Variants in MOBP observed in about 807,000 individuals in gnomAD.
The protein encoded by MOBP is myelin-associated oligodendrocyte basic protein.
A neutral mutation model predicts 15.0 loss-of-function variants in MOBP; 5 were observed. The observed-to-expected ratio is 0.33, with a 90% CI of 0.17 to 0.70. The LOEUF (loss-of-function observed/expected upper bound fraction) is 0.70, where lower values mean the gene tolerates loss of function less well. Ranked by LOEUF, MOBP falls within the 30% of genes least tolerant of loss-of-function variation. The pLI is 0.67. For synonymous variants in MOBP, 88 were observed against 99.0 expected (o/e 0.89, Z 0.66); for missense variants, 188 against 257.8 (o/e 0.73, Z 1.85).
downstream of MOBP, among the ~76,000 whole-genome samples, chr3:39,516,944 G>T (rs1025387835): frequency 1.3e-5 from 2 of 152,200 alleles, no homozygotes; most frequent in African/African-American, 4.8e-5. Context: ...CATCTAGGCT[G>T]CTGTGCTTAC....
intron 1 of MOBP, among the ~76,000 whole-genome samples, chr3:39,469,419 T>G (rs2042436283): frequency 6.6e-6 from 1 of 151,240 alleles, no homozygotes; most frequent in African/African-American, 2.4e-5. Flanking sequence ...TAATTAAAAT[T>G]TATTTTAATT....
At chr3:39,472,223 TATCC>T (rs2042481334) in intron 1 of MOBP, among the ~76,000 whole-genome samples, 1 of 152,236 alleles carries the variant, frequency 6.6e-6, no homozygotes, top group African/African-American at 2.4e-5. Context: ...AAATATAAAA[TATCC>T]ATTTTTTTGT....
Position 39,469,206 on chromosome 3 carries a change from A to ATG in MOBP, c.-89+1474_-89+1475dup, listed in dbSNP as rs372208840. On this transcript the variant is annotated intron_variant, in intron 1 of 3. Transcript: ENST00000684792. ...TGTGTGTGTGTATATACATATATAC[A>ATG]TGTGTGTGTATATACATATATACAT... Among the ~76,000 whole-genome samples, 20 of 64,898 alleles carry ATG rather than the reference A, an allele frequency of 3.1e-4. 1 individual carries two copies. Among genetic ancestry groups the ATG allele is most frequent in the African/African-American group, 2.4e-3 (16 of 6,620 alleles). 42.6% of individuals were successfully genotyped at this position (64,898 alleles called of 152,430 possible).
chr3:39,502,851 TC>T lies in MOBP; in HGVS notation c.528del (p.Val177SerfsTer51). ...LRGPGASRGG[S>X]PVKASRFW ...AGGGCCAGGCGCCAGCCGTGGGGGG[TC>T]CCCCGTCAAAGCTTCTAGGTTCTGG... On this transcript the variant is annotated frameshift_variant, in exon 4 of 4. Coordinates refer to ENST00000684792, the MANE Select transcript of MOBP (RefSeq NM_001393704.1). LOFTEE classifies it high-confidence loss of function. The surrounding 1 kb of genome is among the most constrained non-coding windows in gnomAD (Gnocchi z 6.3). 6.8e-7 allele frequency: 1 copy of T among 1,460,966 alleles called. No individual in the cohort carries two copies. The highest frequency in any genetic ancestry group is 1.4e-5 in the African/African-American group (1 of 71,120). 90.5% of individuals were successfully genotyped at this position (1,460,966 alleles called of 1,614,324 possible).
intron 4 of MOBP, among the ~76,000 whole-genome samples, chr3:39,509,085 AGTGTTT>A (rs371575680): frequency 1.6e-4 from 8 of 50,894 alleles, no homozygotes; most frequent in African/African-American, 7.5e-4. Flanking sequence ...TGTGTGTGAG[AGTGTTT>A]GTGTGTGTGT....
intron 2 of MOBP, among the ~76,000 whole-genome samples, chr3:39,486,218 T>C (rs1215264634): frequency 6.6e-6 from 1 of 152,208 alleles, no homozygotes; most frequent in Non-Finnish European, 1.5e-5. Context: ...AGCTCTGTGA[T>C]CTTGGTTGAG....
intron 2 of MOBP, among the ~76,000 whole-genome samples, chr3:39,488,472 C>G (rs535455010): frequency 7.9e-4 from 121 of 152,264 alleles, no homozygotes; most frequent in Non-Finnish European, 1.1e-3. Flanking sequence ...AGTCTGTCTG[C>G]ATGTCCTGTT....
intron 2 of MOBP, among the ~76,000 whole-genome samples, chr3:39,493,397 T>C (rs1422483386): frequency 1.3e-5 from 2 of 152,078 alleles, no homozygotes; most frequent in Non-Finnish European, 2.9e-5. Context: ...TTTTTTTTTT[T>C]CCCTAAAGAG....
At chr3:39,500,968 C>CGTT (rs1238970724) in intron 2 of MOBP, among the ~76,000 whole-genome samples, 2 of 152,188 alleles carry the variant, frequency 1.3e-5, no homozygotes, top group Non-Finnish European at 2.9e-5. Context: ...TTGATGATCA[C>CGTT]AAACAGAGGT....
chr3:39,482,192 C>T (rs1286889193), intron 2 of MOBP, among the ~76,000 whole-genome samples: 1 of 152,134 alleles, frequency 6.6e-6, no homozygotes, highest in Non-Finnish European at 1.5e-5. Context: ...TGGATATACC[C>T]TTGACTCCTC....
intron 1 of MOBP, among the ~76,000 whole-genome samples, chr3:39,477,294 A>T (rs1470508511): frequency 6.6e-6 from 1 of 152,056 alleles, no homozygotes; most frequent in East Asian, 1.9e-4. Context: ...GAGAAATTAT[A>T]TACAGTCATG....
chr3:39,503,665 T>TTTATTTATTC (rs2043010567), downstream of MOBP, among the ~76,000 whole-genome samples: 2 of 142,182 alleles, frequency 1.4e-5, no homozygotes, highest in Admixed American at 1.4e-4. Context: ...ATTTTTTATT[T>TTTATTTATTC]ATTTATTTAT....
chr3:39,477,871 T>C (rs986510493), intron 1 of MOBP, among the ~76,000 whole-genome samples: 12 of 151,814 alleles, frequency 7.9e-5, no homozygotes, highest in Non-Finnish European at 1.5e-4. Flanking sequence ...ATTTTAAAAA[T>C]AGAAAAAAGC....
intron 2 of MOBP, among the ~76,000 whole-genome samples, chr3:39,494,726 G>GT (rs2042850125): frequency 6.8e-6 from 1 of 147,528 alleles, no homozygotes; most frequent in Non-Finnish European, 1.5e-5. Flanking sequence ...TATTAAGCAA[G>GT]TTATTTACAT....
Position 39,502,441 on chromosome 3 carries a change from G to T in MOBP, c.207-94G>T. On this transcript the variant is annotated intron_variant, in intron 3 of 3. Coordinates refer to ENST00000684792, the MANE Select transcript of MOBP (RefSeq NM_001393704.1). The surrounding 1 kb of genome is among the most constrained non-coding windows in gnomAD (Gnocchi z 6.3). ...AGACTGGAAGGTGGGTGGGGGAGCA[G>T]GGCCTTCCTACCTGTTTCCAGCTCC... The T allele has an allele frequency of 6.6e-7, 1 of 1,525,940 alleles. No individual in the cohort carries two copies. Among genetic ancestry groups the T allele is most frequent in the Non-Finnish European group, 8.8e-7 (1 of 1,141,912 alleles). The allele number at this position is 1,525,940 out of a possible 1,614,324, so 94.5% of individuals were successfully genotyped here. A position where few individuals can be genotyped will look rare whatever the true frequency, so the allele number is the denominator to read the frequency against.
chr3:39,488,513 G>A (rs895875641), intron 2 of MOBP, among the ~76,000 whole-genome samples: 2 of 152,142 alleles, frequency 1.3e-5, no homozygotes, highest in Non-Finnish European at 2.9e-5. Context: ...TGCTAATGCT[G>A]TACTCTGACC....
chr3:39,522,814 C>T (rs1413611864), intron 3 of MOBP, among the ~76,000 whole-genome samples: 2 of 152,174 alleles, frequency 1.3e-5, no homozygotes, highest in South Asian at 4.1e-4. Flanking sequence ...GTTGGTTTTG[C>T]CCTCCAGCTC....
chr3:39,472,358 C>G (rs1053082447), intron 1 of MOBP, among the ~76,000 whole-genome samples: 1 of 152,066 alleles, frequency 6.6e-6, no homozygotes, highest in Non-Finnish European at 1.5e-5. Flanking sequence ...TTTAATAGTA[C>G]TGTTCCCTGG....
chr3:39,472,536 G>A (rs1286175068), intron 1 of MOBP, among the ~76,000 whole-genome samples: 2 of 152,198 alleles, frequency 1.3e-5, no homozygotes, highest in African/African-American at 4.8e-5. Context: ...GTTTGATAAA[G>A]TGTTTTCTAC....
Sources: gnomAD v4.1 joint callset for allele counts (sites outside exome capture counted in the v4.1 genomes callset) on GRCh38, gnomAD v4.1.1 for gene constraint, Gnocchi (gnomAD v3.1) non-coding constraint, MANE v1.5 for transcripts, NCBI Gene and HGNC (gene_info 2026-07-23, HGNC 2026-07-21) for gene names.